The following XYLT1 variants were observed in gnomAD, a reference collection of about 807,000 sequenced individuals.
The protein encoded by XYLT1 is xylosyltransferase 1, also known as beta-D-xylosyltransferase 1.
A neutral mutation model predicts 91.3 loss-of-function variants in XYLT1; 36 were observed. The ratio of observed to expected loss-of-function variants is 0.39; its 90% CI spans 0.30 to 0.52. The LOEUF (loss-of-function observed/expected upper bound fraction) is 0.52. XYLT1 is among the 20% of genes least tolerant of loss of function. XYLT1 has a pLI of 0.68. For synonymous variants in XYLT1, 588 were observed against 532.0 expected, an observed-to-expected ratio of 1.11 and a Z score of -1.45; for missense variants, 1,242 against 1,284.5, an observed-to-expected ratio of 0.97 and a Z score of 0.51.
At chr16:17,425,635 T>C (rs1356551536) in intron 1 of XYLT1, among the ~76,000 whole-genome samples, 2 of 152,204 alleles carry the variant, frequency 1.3e-5, no homozygotes, top group Non-Finnish European at 2.9e-5. Flanking sequence ...AGTAATCCAA[T>C]AGGGTCTCCA....
intron 1 of XYLT1, among the ~76,000 whole-genome samples, chr16:17,447,929 G>A (rs2036613890): frequency 6.6e-6 from 1 of 152,200 alleles, no homozygotes; most frequent in African/African-American, 2.4e-5. Flanking sequence ...GTGCTTCATT[G>A]TAAGACCCTG....
rs527907745 is a variant in XYLT1, at chr16:17,200,424, G to C, written c.1086+58C>G. The C allele has an allele frequency of 2.5e-6, 4 of 1,577,556 alleles. No individual in the cohort carries two copies. The South Asian group carries it at 4.6e-5, about 18-fold the overall frequency. On this transcript the variant is annotated intron_variant, in intron 4 of 11. Coordinates refer to ENST00000261381, the MANE Select transcript of XYLT1 (RefSeq NM_022166.4). ...AGCAATGCAGAAGGAGGGTATCAGG[G>C]AGGGACGGACAGACCCCGAAGAAAG...
intron 1 of XYLT1, among the ~76,000 whole-genome samples, chr16:17,408,949 C>A (rs756871645): frequency 6.6e-6 from 1 of 152,088 alleles, no homozygotes; most frequent in African/African-American, 2.4e-5. Context: ...CTGTTCTGAG[C>A]GCAAAGGCCA....
At chr16:17,328,548 CAAAAAAAAAAAAAAAA>C (rs71373105) in intron 2 of XYLT1, among the ~76,000 whole-genome samples, 20,590 of 51,974 alleles carry the variant, frequency 0.4, 2,267 homozygotes, top group South Asian at 0.45. Flanking sequence ...GACTCCTTCT[CAAAAAAAAAAAAAAAA>C]AAAAAAAAAA....
intron 2 of XYLT1, among the ~76,000 whole-genome samples, chr16:17,310,418 A>C (rs2034528467): frequency 6.6e-6 from 1 of 152,326 alleles, no homozygotes; most frequent in Middle Eastern, 3.4e-3. Flanking sequence ...CACTTATCAC[A>C]GTCCCACTCA....
intron 1 of XYLT1, 95 bp from the exon 2 acceptor site, chr16:17,358,145 T>TTA: frequency 8.4e-7 from 1 of 1,184,740 alleles, no homozygotes; most frequent in Non-Finnish European, 1.2e-6. Flanking sequence ...TTTTTTTTTT[T>TTA]AAGAGACAGG....
chr16:17,131,471 G>A (rs2030473740), intron 9 of XYLT1, among the ~76,000 whole-genome samples: 1 of 152,172 alleles, frequency 6.6e-6, no homozygotes, highest in Non-Finnish European at 1.5e-5. Flanking sequence ...GGAATGTACT[G>A]GGGTTCAGCT....
At chr16:17,203,934 G>A (rs1291228448) in intron 3 of XYLT1, among the ~76,000 whole-genome samples, 1 of 152,238 alleles carries the variant, frequency 6.6e-6, no homozygotes, top group Non-Finnish European at 1.5e-5. Context: ...CTGAAGAAGA[G>A]TGGCTGCTCT....
At chr16:17,294,516 C>G (rs1465037504) in intron 2 of XYLT1, among the ~76,000 whole-genome samples, 2 of 152,140 alleles carry the variant, frequency 1.3e-5, no homozygotes, top group Non-Finnish European at 2.9e-5. Context: ...TTATTCAGAG[C>G]ATGGGGTGGC....
At chr16:17,437,483 A>C (rs1375349393) in intron 1 of XYLT1, among the ~76,000 whole-genome samples, 2 of 152,170 alleles carry the variant, frequency 1.3e-5, no homozygotes, top group African/African-American at 4.8e-5. Context: ...CACTCCAGGA[A>C]ATGGTCCCAC....
At chr16:17,306,714 G>T in intron 2 of XYLT1, among the ~76,000 whole-genome samples, 1 of 152,038 alleles carries the variant, frequency 6.6e-6, no homozygotes, top group East Asian at 1.9e-4. Flanking sequence ...ACAACTTTAA[G>T]GTACCCCATT....
rs556022164 is a variant in XYLT1, at chr16:17,280,953, C to A, written c.403-21455G>T. ...CCTTCCCATTGGACTAATCTGGGAG[C>A]CTTCACAAAATGCAGATGCCCAGGT... On this transcript the variant is annotated intron_variant, in intron 2 of 11. Transcript: ENST00000261381. 2.2e-3 allele frequency among the ~76,000 whole-genome samples: 341 copies of A among 152,298 alleles called. 1 individual carries two copies. Among genetic ancestry groups the A allele is most frequent in the African/African-American group, 7.7e-3 (322 of 41,550 alleles).
intron 3 of XYLT1, among the ~76,000 whole-genome samples, chr16:17,214,945 T>C (rs1048544523): frequency 6.6e-6 from 1 of 152,220 alleles, no homozygotes; most frequent in African/African-American, 2.4e-5. Flanking sequence ...ATCCTTTCCT[T>C]TTCCAAAGAC....
At chr16:17,279,010 G>C (rs1191453102) in intron 2 of XYLT1, among the ~76,000 whole-genome samples, 2 of 152,234 alleles carry the variant, frequency 1.3e-5, no homozygotes, top group African/African-American at 4.8e-5. Context: ...CACCTCCTGA[G>C]ACCAGGAGAA....
At chr16:17,139,827 G>A (rs2030908059) in intron 7 of XYLT1, among the ~76,000 whole-genome samples, 2 of 152,196 alleles carry the variant, frequency 1.3e-5, no homozygotes, top group Admixed American at 1.3e-4. Flanking sequence ...TAACATGTGT[G>A]CAGAATAGTA....
intron 2 of XYLT1, among the ~76,000 whole-genome samples, chr16:17,331,506 C>T (rs983076827): frequency 5.3e-5 from 8 of 151,794 alleles, no homozygotes; most frequent in Non-Finnish European, 1.0e-4. Flanking sequence ...AACAGACACA[C>T]GTTTTCCATT....
chr16:17,296,651 C>T, intron 2 of XYLT1, among the ~76,000 whole-genome samples: 1 of 152,212 alleles, frequency 6.6e-6, no homozygotes, highest in East Asian at 1.9e-4. Flanking sequence ...CCGGGGCCAA[C>T]TGGGGACAAA....
chr16:17,355,536 T>G (rs1159277407), intron 2 of XYLT1: 1 of 152,188 alleles, frequency 6.6e-6, no homozygotes, highest in African/African-American at 2.4e-5. Flanking sequence ...CACACATCTC[T>G]GATAGGAAGT....
chr16:17,173,755 T>C (rs2031879977), intron 5 of XYLT1, among the ~76,000 whole-genome samples: 1 of 152,248 alleles, frequency 6.6e-6, no homozygotes, highest in African/African-American at 2.4e-5. Flanking sequence ...AGAATCATCA[T>C]TCGGCAAAAG....
Sources: gnomAD v4.1 joint callset for allele counts (sites outside exome capture counted in the v4.1 genomes callset) on GRCh38, gnomAD v4.1.1 for gene constraint, MANE v1.5 for transcripts, NCBI Gene and HGNC (gene_info 2026-07-23, HGNC 2026-07-21) for gene names.